UNC13B: variants seen among roughly 807,000 people sequenced by gnomAD.
UNC13B encodes protein unc-13 homolog B.
UNC13B carries 144 observed loss-of-function variants against 211.0 expected under a neutral mutation model. That is an observed-to-expected ratio of 0.68 (90% CI 0.60 to 0.78). UNC13B has a LOEUF of 0.78. UNC13B is among the 30% of genes least tolerant of loss of function. The pLI is 0.00. For missense variants in UNC13B, 1,777 were observed against 2,002.0 expected (o/e 0.89, Z 2.14); for synonymous variants, 709 against 725.8 (o/e 0.98, Z 0.37).
At position 35,375,131 on chromosome 9, in the gene UNC13B, T is replaced by G. The variant is rs756885524; in HGVS notation, c.9545T>G (p.Leu3182Arg). 9.9e-6 allele frequency: 16 copies of G among 1,614,168 alleles called. No individual in the cohort carries two copies. The highest frequency in any genetic ancestry group is 3.3e-4 in the Middle Eastern group (2 of 6,060). ...ACAGCAGATCTTCCCTGACAGTCAC[T>G]GGTCCAGTCTCGGAAGGCAGGAATC... ...KPLPLVSDLSLVQSRKAGITS... is the reference protein window; with the variant it reads ...KPLPLVSDLSRVQSRKAGITS... Residue 3182 changes from leucine to arginine, a missense_variant, in exon 14 of 40, where the codon CTG (leucine) becomes CGG (arginine). Coordinates refer to ENST00000635942, the MANE Select transcript of UNC13B (RefSeq NM_001371189.2).
intron 1 of UNC13B, among the ~76,000 whole-genome samples, chr9:35,220,812 T>TTA (rs1475877317): frequency 1.3e-5 from 2 of 152,200 alleles, no homozygotes; most frequent in Admixed American, 1.3e-4. Context: ...AGCTCTATTT[T>TTA]TAGTCTTTTG....
At chr9:35,261,739 G>A (rs560382334) in intron 7 of UNC13B, among the ~76,000 whole-genome samples, 150 of 151,114 alleles carry the variant, frequency 9.9e-4, no homozygotes, top group Non-Finnish European at 1.8e-3. Context: ...ATTTTTGTAC[G>A]CATTAACCGT....
chr9:35,250,957 CTTTTTT>C (rs35077779), intron 6 of UNC13B, among the ~76,000 whole-genome samples: 1 of 77,080 alleles, frequency 1.3e-5, no homozygotes, highest in African/African-American at 5.3e-5. Context: ...GTTACTCTTC[CTTTTTT>C]TTTTTTTTTT....
At chr9:35,314,340 A>G (rs188019905) in intron 11 of UNC13B, among the ~76,000 whole-genome samples, 1 of 152,338 alleles carries the variant, frequency 6.6e-6, no homozygotes, top group African/African-American at 2.4e-5. Flanking sequence ...TAGCCGGTCC[A>G]TACTGGCTCA....
At chr9:35,169,535 A>T (rs1821224410) in intron 1 of UNC13B, among the ~76,000 whole-genome samples, 3 of 152,116 alleles carry the variant, frequency 2.0e-5, no homozygotes, top group African/African-American at 7.2e-5. Flanking sequence ...TCCTTCCCCC[A>T]TCCTGCCACC....
At chr9:35,258,009 C>T (rs546102404) in intron 6 of UNC13B, among the ~76,000 whole-genome samples, 27 of 152,278 alleles carry the variant, frequency 1.8e-4, no homozygotes, top group Non-Finnish European at 3.2e-4. Context: ...TAGAAAAGTT[C>T]GAATTCTTAC....
intron 1 of UNC13B, among the ~76,000 whole-genome samples, chr9:35,197,209 CCTTTTTT>C: frequency 6.6e-6 from 1 of 152,162 alleles, no homozygotes; most frequent in East Asian, 1.9e-4. Context: ...TTAATGTTTT[CCTTTTTT>C]CTTTTTTTTG....
intron 7 of UNC13B, among the ~76,000 whole-genome samples, chr9:35,280,205 G>A (rs1276332324): frequency 1.3e-5 from 2 of 152,120 alleles, no homozygotes; most frequent in Non-Finnish European, 2.9e-5. Flanking sequence ...GTTCAGGAAG[G>A]CATTCTAGAA....
intron 1 of UNC13B, among the ~76,000 whole-genome samples, chr9:35,226,299 C>G (rs1824836425): frequency 6.6e-6 from 1 of 152,086 alleles, no homozygotes; most frequent in Admixed American, 6.5e-5. Flanking sequence ...GTTCCCCCTG[C>G]CCCCAGAAAG....
intron 11 of UNC13B, among the ~76,000 whole-genome samples, chr9:35,354,941 G>A (rs1231634054): frequency 1.3e-5 from 2 of 152,108 alleles, no homozygotes; most frequent in Non-Finnish European, 2.9e-5. Flanking sequence ...AGTGACATAT[G>A]GACAAGGCTA....
At chr9:35,217,500 T>C (rs565557827) in intron 1 of UNC13B, among the ~76,000 whole-genome samples, 61 of 151,844 alleles carry the variant, frequency 4.0e-4, no homozygotes, top group African/African-American at 1.5e-3. Context: ...GCCATTGTCC[T>C]GCCTCAGCCT....
In UNC13B at chr9:35,303,574, C is replaced by T. The variant is rs1829787797; in HGVS notation, c.4170C>T (p.Cys1390=). The change falls in exon 9 of 40, where the codon TGC becomes TGT. Residue 1390 remains cysteine (C), a synonymous_variant. Transcript: ENST00000635942. ...NQNRFLSADA[C]LWLDSENSVI... is the part of the protein sequence containing the mutation. The stretch of plus-strand genomic sequence containing the variant: ...ATAGATTTCTATCAGCCGATGCTTG[C>T]TTGTGGCTTGACTCAGAAAACTCAG... 2.5e-6 allele frequency: 1 copy of T among 398,744 alleles called. No individual in the cohort carries two copies. Among genetic ancestry groups the T allele is most frequent in the African/African-American group, 2.1e-5 (1 of 48,738 alleles). 24.7% of individuals were successfully genotyped at this position (398,744 alleles called of 1,614,324 possible). A position where few individuals can be genotyped will look rare whatever the true frequency, so the allele number is the denominator to read the frequency against.
intron 11 of UNC13B, chr9:35,352,469 CAGA>C (rs1832776530): frequency 8.1e-7 from 1 of 1,232,036 alleles, no homozygotes; most frequent in Non-Finnish European, 1.0e-6. Context: ...TAAGAATCCC[CAGA>C]AGGAGTCTAT....
chr9:35,195,327 GTTC>G (rs1822877700), intron 1 of UNC13B, among the ~76,000 whole-genome samples: 1 of 152,152 alleles, frequency 6.6e-6, no homozygotes, highest in Admixed American at 6.6e-5. Context: ...GCCTAAGTGA[GTTC>G]TTCTTAACTC....
At chr9:35,237,295 C>A (rs374940060) in intron 4 of UNC13B, among the ~76,000 whole-genome samples, 1 of 152,104 alleles carries the variant, frequency 6.6e-6, no homozygotes, top group Non-Finnish European at 1.5e-5. Context: ...AGTCTCTACT[C>A]CCCAGGCAGA....
At chr9:35,168,018 A>G (rs955117820) in intron 1 of UNC13B, among the ~76,000 whole-genome samples, 1 of 151,452 alleles carries the variant, frequency 6.6e-6, no homozygotes, top group Non-Finnish European at 1.5e-5. Context: ...TCCTGGGCTC[A>G]ATCTGTCCTC....
intron 37 of UNC13B, among the ~76,000 whole-genome samples, chr9:35,402,320 C>T (rs1436063684): frequency 4.2e-5 from 6 of 142,442 alleles, no homozygotes; most frequent in East Asian, 2.1e-4. Flanking sequence ...CTCGCTCTGT[C>T]GCCCAGGCTG....
At chr9:35,197,672 A>G (rs921211429) in intron 1 of UNC13B, among the ~76,000 whole-genome samples, 7 of 152,118 alleles carry the variant, frequency 4.6e-5, no homozygotes, top group African/African-American at 1.2e-4. Flanking sequence ...GTGATGGGCC[A>G]TGGGGGCGGA....
chr9:35,347,139 A>C (rs1041024435), intron 11 of UNC13B, among the ~76,000 whole-genome samples: 8 of 152,132 alleles, frequency 5.3e-5, no homozygotes, highest in Non-Finnish European at 2.9e-5. Context: ...GGCTCAAAGG[A>C]TCTTCCTGCT....
Sources: allele counts gnomAD v4.1 joint callset (sites outside exome capture counted in the v4.1 genomes callset), GRCh38; gene constraint gnomAD v4.1.1; transcripts MANE v1.5; gene names NCBI Gene and HGNC (gene_info 2026-07-23, HGNC 2026-07-21).